The following TRABD2B variants were observed in gnomAD, a reference collection of about 807,000 sequenced individuals.
TRABD2B encodes metalloprotease TIKI2.
In TRABD2B, 14 loss-of-function variants were observed where a neutral mutation model predicts 40.1. The observed-to-expected ratio is 0.35, with a 90% CI of 0.23 to 0.55. TRABD2B has a LOEUF of 0.55. Ranked by LOEUF, TRABD2B falls within the 20% of genes least tolerant of loss-of-function variation. TRABD2B has a pLI of 0.90. For synonymous variants in TRABD2B, 263 were observed against 277.0 expected (o/e 0.95, Z 0.50); for missense variants, 541 against 648.6 (o/e 0.83, Z 1.80).
At position 47,762,053 on chromosome 1, in the gene TRABD2B, A is replaced by G; in HGVS notation, c.*3849T>C. ...GGCAGTGGGTATTGTGATAGATGCT[A>G]AGAAAGCACAAAGGAATGGGAGGGG... On this transcript the variant is annotated 3_prime_UTR_variant, in exon 7 of 7. Coordinates refer to ENST00000606738, the MANE Select transcript of TRABD2B (RefSeq NM_001194986.2). The G allele has an allele frequency of 6.6e-6, 1 of 152,122 alleles. No individual in the cohort carries two copies. Among genetic ancestry groups the G allele is most frequent in the East Asian group, 1.9e-4 (1 of 5,200 alleles). 9.4% of individuals were successfully genotyped at this position (152,122 alleles called of 1,614,324 possible).
intron 2 of TRABD2B, among the ~76,000 whole-genome samples, chr1:47,973,373 T>A (rs918179075): frequency 6.6e-6 from 1 of 152,208 alleles, no homozygotes; most frequent in African/African-American, 2.4e-5. Context: ...GGCATGGGAA[T>A]CAAGAAACAG....
rs114605980 is a variant in TRABD2B at position 47,985,655 on chromosome 1, C to T, written c.666+8379G>A. 4.4e-3 allele frequency among the ~76,000 whole-genome samples: 670 copies of T among 152,354 alleles called. 5 individuals are homozygous for T. Among genetic ancestry groups the T allele is most frequent in the African/African-American group, 0.015 (631 of 41,590 alleles). ...CCTCATGGCTCTTTTCCAGTAAAGC[C>T]AGGCATTCAGTGTGGCCCAAGTACA... On this transcript the variant is annotated intron_variant, in intron 2 of 6. Transcript: ENST00000606738.
intron 2 of TRABD2B, among the ~76,000 whole-genome samples, chr1:47,962,251 A>G (rs1029307894): frequency 1.3e-5 from 2 of 152,168 alleles, no homozygotes; most frequent in African/African-American, 2.4e-5. Context: ...ATTAGGAGAT[A>G]TACCTAATGT....
At chr1:47,817,634 G>A (rs937620540) in intron 2 of TRABD2B, among the ~76,000 whole-genome samples, 3 of 152,108 alleles carry the variant, frequency 2.0e-5, no homozygotes, top group African/African-American at 7.2e-5. Flanking sequence ...TCCCCAGGAG[G>A]CTTCATCTCT....
At chr1:47,946,264 T>C (rs957691332) in intron 2 of TRABD2B, among the ~76,000 whole-genome samples, 1 of 152,240 alleles carries the variant, frequency 6.6e-6, no homozygotes, top group Non-Finnish European at 1.5e-5. Flanking sequence ...GTTTTGAGCA[T>C]TCTTTATATA....
chr1:47,816,125 C>T (rs1449735795), intron 2 of TRABD2B, among the ~76,000 whole-genome samples: 1 of 152,118 alleles, frequency 6.6e-6, no homozygotes, highest in Admixed American at 6.5e-5. Flanking sequence ...TCAGCCTCAC[C>T]CCCTTCCCCT....
intron 2 of TRABD2B, among the ~76,000 whole-genome samples, chr1:47,947,470 G>A (rs1266048266): frequency 6.6e-6 from 1 of 152,118 alleles, no homozygotes; most frequent in Non-Finnish European, 1.5e-5. Flanking sequence ...ATACAAAGCA[G>A]CTTTGCAGAG....
intron 2 of TRABD2B, among the ~76,000 whole-genome samples, chr1:47,870,538 T>C (rs564849655): frequency 1.3e-5 from 2 of 152,216 alleles, no homozygotes; most frequent in East Asian, 1.9e-4. Context: ...CTTGTCACCA[T>C]GCATCAGGAT....
At chr1:47,785,364 G>C (rs1265821068) in intron 4 of TRABD2B, among the ~76,000 whole-genome samples, 4 of 152,232 alleles carry the variant, frequency 2.6e-5, no homozygotes. Flanking sequence ...GGGGTATTCA[G>C]ACATCCTATG....
At chr1:47,974,209 G>A (rs1337263550) in intron 2 of TRABD2B, among the ~76,000 whole-genome samples, 1 of 152,070 alleles carries the variant, frequency 6.6e-6, no homozygotes, top group East Asian at 1.9e-4. Context: ...TGTAGGCCAG[G>A]TGAGATCTCA....
intron 4 of TRABD2B, among the ~76,000 whole-genome samples, chr1:47,784,678 A>G (rs1276027390): frequency 6.6e-6 from 1 of 152,176 alleles, no homozygotes; most frequent in East Asian, 1.9e-4. Flanking sequence ...CTGAGGAAGT[A>G]TGACAGGAGG....
intron 2 of TRABD2B, among the ~76,000 whole-genome samples, chr1:47,906,397 C>T (rs894647040): frequency 1.3e-5 from 2 of 152,212 alleles, no homozygotes; most frequent in Non-Finnish European, 2.9e-5. Flanking sequence ...AGTGAGTTCA[C>T]GTTAGCATTT....
intron 2 of TRABD2B, among the ~76,000 whole-genome samples, chr1:47,984,464 G>A (rs1021009979): frequency 3.3e-5 from 5 of 152,230 alleles, no homozygotes; most frequent in Admixed American, 2.0e-4. Flanking sequence ...TCGCCTCTGC[G>A]CCAGGGCGTG....
chr1:47,880,066 T>C (rs1036916279), intron 2 of TRABD2B, among the ~76,000 whole-genome samples: 19 of 152,244 alleles, frequency 1.2e-4, no homozygotes, highest in African/African-American at 4.3e-4. Context: ...TCCCGGCATT[T>C]TGGAAGGCTC....
intron 2 of TRABD2B, among the ~76,000 whole-genome samples, chr1:47,833,006 A>G (rs941783461): frequency 3.9e-5 from 6 of 152,198 alleles, no homozygotes; most frequent in African/African-American, 1.4e-4. Flanking sequence ...ACAGCCATAG[A>G]AATTCAGACC....
chr1:47,889,626 TC>T (rs1644418625), intron 2 of TRABD2B, among the ~76,000 whole-genome samples: 1 of 152,120 alleles, frequency 6.6e-6, no homozygotes. Flanking sequence ...ATCTATTAGG[TC>T]AAAGATGCAT....
At chr1:47,956,502 T>C (rs10890516) in intron 2 of TRABD2B, among the ~76,000 whole-genome samples, 64,751 of 152,078 alleles carry the variant, frequency 0.43, 14,018 homozygotes, top group East Asian at 0.61. Context: ...GGGTCACTCC[T>C]ACCCTAAGAC....
rs933429166 is a variant in TRABD2B, at chr1:47,996,967, C to T, written c.-178G>A. On this transcript the variant is annotated 5_prime_UTR_variant, in exon 1 of 7. Coordinates refer to ENST00000606738, the MANE Select transcript of TRABD2B (RefSeq NM_001194986.2). This position sits in a 1 kb window ranked among gnomAD's most constrained non-coding sequence, Gnocchi z 4.6. ...TCGGACCTGGGGGTTTCTCTGGGGC[C>T]GGGCTCCGTCTGTTGGAAGAGGGAG... 9.0e-7 allele frequency: 1 copy of T among 1,106,996 alleles called. No individual in the cohort carries two copies. The highest frequency in any genetic ancestry group is 1.1e-6 in the Non-Finnish European group (1 of 909,466). 68.6% of individuals were successfully genotyped at this position (1,106,996 alleles called of 1,614,324 possible).
intron 6 of TRABD2B, among the ~76,000 whole-genome samples, chr1:47,766,759 G>A (rs984332949): frequency 7.2e-5 from 11 of 152,182 alleles, no homozygotes; most frequent in African/African-American, 2.2e-4. Context: ...GGAGTGGGAC[G>A]CCATGAAGCA....
Sources: allele counts gnomAD v4.1 joint callset (sites outside exome capture counted in the v4.1 genomes callset), GRCh38; gene constraint gnomAD v4.1.1; non-coding constraint Gnocchi (gnomAD v3.1); transcripts MANE v1.5; gene names NCBI Gene and HGNC (gene_info 2026-07-23, HGNC 2026-07-21).